ZNF385D: variants seen among roughly 807,000 people sequenced by gnomAD.
ZNF385D encodes the protein zinc finger protein 659.
ZNF385D carries 15 observed loss-of-function variants against 35.8 expected under a neutral mutation model. That is an observed-to-expected ratio of 0.42 (90% confidence interval 0.28 to 0.64). The LOEUF is 0.64. Among genes scored for constraint, ZNF385D ranks in the 30% least tolerant of loss-of-function variants. The probability of loss-of-function intolerance (pLI) is 0.23; values close to 1 mark genes in which losing one functional copy is unlikely to be tolerated. For synonymous variants in ZNF385D, 212 were observed against 186.8 expected, an observed-to-expected ratio of 1.13 and a Z score of -1.10; for missense variants, 474 against 494.6, an observed-to-expected ratio of 0.96 and a Z score of 0.39.
At chr3:22,133,224 G>C (rs9853302) in intron 3 of ZNF385D, among the ~76,000 whole-genome samples, 42 of 152,000 alleles carry the variant, frequency 2.8e-4, no homozygotes, top group Middle Eastern at 3.4e-3. Flanking sequence ...GAAATACTTC[G>C]TATCTTCAAC....
At chr3:22,267,145 A>G (rs1383199334) in intron 2 of ZNF385D, among the ~76,000 whole-genome samples, 1 of 151,988 alleles carries the variant, frequency 6.6e-6, no homozygotes, top group Non-Finnish European at 1.5e-5. Flanking sequence ...ATCAGGGAAT[A>G]ATCTGAAAGA....
chr3:22,109,168 A>G (rs1301582851), intron 3 of ZNF385D, among the ~76,000 whole-genome samples: 2 of 152,216 alleles, frequency 1.3e-5, no homozygotes, highest in Non-Finnish European at 2.9e-5. Flanking sequence ...CAAGCTGCAG[A>G]TAACTAAAAT....
intron 2 of ZNF385D, among the ~76,000 whole-genome samples, chr3:21,582,294 A>G (rs2125708350): frequency 6.6e-6 from 1 of 152,358 alleles, no homozygotes; most frequent in Admixed American, 6.5e-5. Context: ...GCAGAAATGC[A>G]TACACATTAA....
chr3:21,973,749 T>G (rs1004507116), intron 3 of ZNF385D, among the ~76,000 whole-genome samples: 1 of 151,980 alleles, frequency 6.6e-6, no homozygotes, highest in Non-Finnish European at 1.5e-5. Flanking sequence ...AATATCAACA[T>G]GCAAAAATCA....
intron 2 of ZNF385D, among the ~76,000 whole-genome samples, chr3:22,180,063 G>A (rs912870556): frequency 3.9e-5 from 6 of 152,076 alleles, no homozygotes; most frequent in Admixed American, 2.6e-4. Context: ...GAAGAAAAGA[G>A]AGAATAATCA....
chr3:22,079,278 A>G (rs965848284), intron 3 of ZNF385D, among the ~76,000 whole-genome samples: 6 of 57,818 alleles, frequency 1.0e-4, no homozygotes, highest in Non-Finnish European at 3.0e-4. Context: ...TGATCAAATG[A>G]TATATCTGCT....
chr3:22,002,410 C>A (rs1395257686), intron 3 of ZNF385D, among the ~76,000 whole-genome samples: 1 of 152,036 alleles, frequency 6.6e-6, no homozygotes, highest in East Asian at 1.9e-4. Flanking sequence ...AAACTAATAA[C>A]AAGAAGCAAG....
chr3:22,240,453 T>C (rs750774508), intron 2 of ZNF385D, among the ~76,000 whole-genome samples: 39 of 151,158 alleles, frequency 2.6e-4, no homozygotes, highest in Non-Finnish European at 4.1e-4. Context: ...CCAGCCTACA[T>C]CATGTTTAGT....
intron 2 of ZNF385D, among the ~76,000 whole-genome samples, chr3:22,284,223 C>CTGTT (rs1472202382): frequency 1.3e-5 from 2 of 152,094 alleles, no homozygotes; most frequent in Non-Finnish European, 2.9e-5. Flanking sequence ...GACGGAGTCT[C>CTGTT]TGTTGCTCAG....
intron 3 of ZNF385D, among the ~76,000 whole-genome samples, chr3:21,957,489 T>C (rs2061940): frequency 0.68 from 103,615 of 151,930 alleles, 36,515 homozygotes; most frequent in Non-Finnish European, 0.77. Context: ...CAGGCTGAGG[T>C]GGTCTCAGAT....
chr3:21,988,574 C>A (rs1028328683), intron 3 of ZNF385D, among the ~76,000 whole-genome samples: 28 of 150,456 alleles, frequency 1.9e-4, no homozygotes, highest in Non-Finnish European at 3.0e-4. Context: ...CTGTTCAGAG[C>A]TGTCAGACAG....
intron 3 of ZNF385D, among the ~76,000 whole-genome samples, chr3:22,107,437 C>T (rs1702284195): frequency 6.6e-6 from 1 of 151,856 alleles, no homozygotes; most frequent in African/African-American, 2.4e-5. Flanking sequence ...GGGAAAAAAG[C>T]AAAGTTTATA....
intron 2 of ZNF385D, among the ~76,000 whole-genome samples, chr3:22,289,955 T>A (rs953892882): frequency 9.9e-5 from 15 of 152,116 alleles, no homozygotes; most frequent in African/African-American, 3.1e-4. Flanking sequence ...TTGAAAGAGT[T>A]TGTGGAAAAA....
chr3:21,980,713 C>T (rs144243415), intron 3 of ZNF385D, among the ~76,000 whole-genome samples: 101 of 152,278 alleles, frequency 6.6e-4, no homozygotes, highest in Middle Eastern at 3.4e-3. Flanking sequence ...CCTATCCCTC[C>T]TCTTTCTTCC....
intron 3 of ZNF385D, among the ~76,000 whole-genome samples, chr3:21,798,817 T>G (rs2072270442): frequency 6.6e-6 from 1 of 152,174 alleles, no homozygotes; most frequent in South Asian, 2.1e-4. Context: ...AAGTAAAATT[T>G]GCATAAGATT....
intron 5 of ZNF385D, among the ~76,000 whole-genome samples, chr3:21,432,790 TAA>T (rs5847095): frequency 1.1e-3 from 164 of 148,532 alleles, no homozygotes; most frequent in East Asian, 3.2e-3. Context: ...CTTTCCAAAT[TAA>T]AAAAAAAAAA....
chr3:21,714,444 T>C (rs2068234036), intron 1 of ZNF385D, among the ~76,000 whole-genome samples: 2 of 152,120 alleles, frequency 1.3e-5, no homozygotes, highest in Admixed American at 6.5e-5. Flanking sequence ...AGAAGATAAG[T>C]ATCATAAATT....
At chr3:22,079,144 G>A (rs979942956) in intron 3 of ZNF385D, among the ~76,000 whole-genome samples, 3 of 151,936 alleles carry the variant, frequency 2.0e-5, no homozygotes, top group African/African-American at 4.8e-5. Flanking sequence ...ATGGATTACT[G>A]GTAACCTACA....
At chr3:21,452,269 A>G (rs1702505181) in intron 4 of ZNF385D, among the ~76,000 whole-genome samples, 1 of 152,066 alleles carries the variant, frequency 6.6e-6, no homozygotes, top group Non-Finnish European at 1.5e-5. Context: ...TAGAGGTTAG[A>G]TCACATCACT....
Sources: gnomAD v4.1 joint callset for allele counts (sites outside exome capture counted in the v4.1 genomes callset) on GRCh38, gnomAD v4.1.1 for gene constraint, MANE v1.5 for transcripts, NCBI Gene and HGNC (gene_info 2026-07-23, HGNC 2026-07-21) for gene names.